Variants in ITGA1 observed in about 807,000 individuals in gnomAD.
ITGA1 encodes integrin subunit alpha 1, also known as integrin alpha-1.
Under a neutral mutation model 145.9 loss-of-function variants are expected in ITGA1, and 85 were observed. The observed-to-expected ratio is 0.58, with a 90% CI of 0.49 to 0.70. The LOEUF (loss-of-function observed/expected upper bound fraction) is 0.70. Among genes scored for constraint, ITGA1 ranks in the 30% least tolerant of loss-of-function variants. The probability of loss-of-function intolerance (pLI) is 0.00; values close to 1 mark genes in which losing one functional copy is unlikely to be tolerated. For synonymous variants in ITGA1, 520 were observed against 495.3 expected, an observed-to-expected ratio of 1.05 and a Z score of -0.66; for missense variants, 1,351 against 1,418.7, an observed-to-expected ratio of 0.95 and a Z score of 0.77.
chr5:52,854,772 G>A (rs1749481409), intron 2 of ITGA1, among the ~76,000 whole-genome samples: 2 of 152,208 alleles, frequency 1.3e-5, no homozygotes, highest in South Asian at 4.2e-4. Flanking sequence ...ATAATAACAA[G>A]ATAACTATTG....
At chr5:52,865,612 C>A in intron 5 of ITGA1, 78 bp from the exon 6 acceptor site, 2 of 1,186,118 alleles carry the variant, frequency 1.7e-6, no homozygotes, top group Admixed American at 5.8e-5. Context: ...AAATGAACTT[C>A]TTTCAGCCAT....
chr5:52,794,798 A>G (rs1181714639), intron 1 of ITGA1, among the ~76,000 whole-genome samples: 1 of 151,982 alleles, frequency 6.6e-6, no homozygotes, highest in East Asian at 1.9e-4. Flanking sequence ...AGGTTTGCAC[A>G]TTCTCTCTAA....
chr5:52,897,162 G>A (rs1316579138), intron 9 of ITGA1, among the ~76,000 whole-genome samples: 2 of 152,064 alleles, frequency 1.3e-5, no homozygotes, highest in African/African-American at 4.8e-5. Context: ...AGCACCATAG[G>A]ATCCACAACA....
At chr5:52,881,375 A>T (rs1361928582) in intron 6 of ITGA1, among the ~76,000 whole-genome samples, 1 of 152,012 alleles carries the variant, frequency 6.6e-6, no homozygotes, top group Non-Finnish European at 1.5e-5. Context: ...CCCTTCTAGC[A>T]CTCACTCTTG....
intron 1 of ITGA1, among the ~76,000 whole-genome samples, chr5:52,814,554 C>T (rs533630936): frequency 3.9e-5 from 6 of 152,256 alleles, no homozygotes; most frequent in East Asian, 1.9e-4. Flanking sequence ...CTATAAATTA[C>T]GTAATCATAT....
chr5:52,913,217 G>A (rs1303173610), intron 14 of ITGA1, among the ~76,000 whole-genome samples: 1 of 152,020 alleles, frequency 6.6e-6, no homozygotes, highest in African/African-American at 2.4e-5. Context: ...TCTAAATAGA[G>A]GGCACTGCTT....
intron 1 of ITGA1, chr5:52,825,249 C>T (rs1008377973): frequency 6.6e-6 from 1 of 152,152 alleles, no homozygotes; most frequent in Non-Finnish European, 1.5e-5. Flanking sequence ...GTGATGTTTT[C>T]AAGATTCATT....
intron 6 of ITGA1, among the ~76,000 whole-genome samples, chr5:52,868,094 C>T (rs79266456): frequency 0.053 from 8,130 of 152,168 alleles, 552 homozygotes; most frequent in African/African-American, 0.16. Context: ...GCTTTCTTTC[C>T]TTCTTCTTGT....
chr5:52,870,245 C>T (rs940732112), intron 6 of ITGA1, among the ~76,000 whole-genome samples: 7 of 152,202 alleles, frequency 4.6e-5, no homozygotes, highest in African/African-American at 1.4e-4. Flanking sequence ...CATTCAATTC[C>T]ACCCTATGAT....
chr5:52,890,451 G>C (rs770659087), intron 8 of ITGA1, among the ~76,000 whole-genome samples: 1 of 152,194 alleles, frequency 6.6e-6, no homozygotes, highest in Non-Finnish European at 1.5e-5. Flanking sequence ...CAAGGTTTCA[G>C]TGTGAAAAGT....
intron 6 of ITGA1, among the ~76,000 whole-genome samples, chr5:52,881,268 A>G (rs1362683462): frequency 1.3e-5 from 2 of 152,150 alleles, no homozygotes; most frequent in African/African-American, 4.8e-5. Flanking sequence ...AGCCCTGGCC[A>G]TGGCTCACTG....
At chr5:52,795,229 A>G (rs546998325) in intron 1 of ITGA1, among the ~76,000 whole-genome samples, 13 of 152,104 alleles carry the variant, frequency 8.5e-5, no homozygotes, top group African/African-American at 3.1e-4. Flanking sequence ...AATAAAAGGT[A>G]GTAAGTCTCT....
intron 11 of ITGA1, chr5:52,904,410 G>C (rs1326503935): frequency 6.6e-6 from 1 of 152,076 alleles, no homozygotes; most frequent in Admixed American, 6.6e-5. Context: ...AGCCAGAGGA[G>C]GAGGTTGCAT....
At chr5:52,911,461 G>T (rs1207327947) in intron 14 of ITGA1, among the ~76,000 whole-genome samples, 1 of 129,092 alleles carries the variant, frequency 7.7e-6, no homozygotes, top group Non-Finnish European at 1.6e-5. Flanking sequence ...TATATATAGT[G>T]TATCTAGTAT....
intron 1 of ITGA1, among the ~76,000 whole-genome samples, chr5:52,842,775 TC>T (rs1417678417): frequency 6.6e-6 from 1 of 150,912 alleles, no homozygotes; most frequent in East Asian, 2.0e-4. Flanking sequence ...AACTTCTGCC[TC>T]CCAGGTTCAA....
At chr5:52,852,128 G>C (rs16880362) in intron 2 of ITGA1, among the ~76,000 whole-genome samples, 10,506 of 152,182 alleles carry the variant, frequency 0.069, 581 homozygotes, top group African/African-American at 0.15. Flanking sequence ...AGCCACAAGA[G>C]CAAGGGCCCA....
chr5:52,914,318 A>G (rs1246493220), intron 14 of ITGA1, among the ~76,000 whole-genome samples: 1 of 152,152 alleles, frequency 6.6e-6, no homozygotes, highest in Non-Finnish European at 1.5e-5. Context: ...AAGGAGTCAG[A>G]TATCTCCTGA....
intron 11 of ITGA1, among the ~76,000 whole-genome samples, chr5:52,900,754 C>T (rs1435000709): frequency 6.6e-6 from 1 of 152,078 alleles, no homozygotes; most frequent in African/African-American, 2.4e-5. Context: ...CCCTCAAAGC[C>T]TCAATTTTCC....
chr5:52,933,054 T>G (rs967175693), intron 22 of ITGA1: 14 of 152,214 alleles, frequency 9.2e-5, no homozygotes, highest in African/African-American at 3.1e-4. Context: ...CTTGGAGACG[T>G]TGTGATGCAA....
Sources: allele counts gnomAD v4.1 joint callset (sites outside exome capture counted in the v4.1 genomes callset), GRCh38; gene constraint gnomAD v4.1.1; transcripts MANE v1.5; gene names NCBI Gene and HGNC (gene_info 2026-07-23, HGNC 2026-07-21).